Variants in PIGK observed in about 807,000 individuals in gnomAD.
The protein encoded by PIGK is phosphatidylinositol glycan anchor biosynthesis class K.
PIGK carries 42 observed loss-of-function variants against 50.6 expected under a neutral mutation model. That is an observed-to-expected ratio of 0.83 (90% confidence interval 0.65 to 1.07). The LOEUF (loss-of-function observed/expected upper bound fraction) is 1.07, where lower values mean the gene tolerates loss of function less well. Ranked by LOEUF, PIGK falls within the 50% of genes least tolerant of loss-of-function variation. The probability of loss-of-function intolerance (pLI) is 0.00; values close to 1 mark genes in which losing one functional copy is unlikely to be tolerated. For synonymous variants in PIGK, 151 were observed against 156.0 expected, an observed-to-expected ratio of 0.97 and a Z score of 0.24; for missense variants, 448 against 488.7, an observed-to-expected ratio of 0.92 and a Z score of 0.78.
At chr1:77,129,085 C>T (rs999118404) in intron 9 of PIGK, 6 of 853,390 alleles carry the variant, frequency 7.0e-6, no homozygotes, top group Non-Finnish European at 1.0e-5. Context: ...CTAGCTCTTT[C>T]CCTAAGCAGC....
chr1:77,190,869 C>T (rs1266108062), intron 3 of PIGK, among the ~76,000 whole-genome samples: 1 of 152,146 alleles, frequency 6.6e-6, no homozygotes, highest in African/African-American at 2.4e-5. Flanking sequence ...TAGCCTACAC[C>T]TTAAATCTTC....
intron 9 of PIGK, among the ~76,000 whole-genome samples, chr1:77,139,786 A>G (rs921723348): frequency 6.6e-6 from 1 of 152,222 alleles, no homozygotes; most frequent in South Asian, 2.1e-4. Flanking sequence ...TAGTGCATCT[A>G]GGTATCTTGT....
intron 9 of PIGK, among the ~76,000 whole-genome samples, chr1:77,135,791 GAA>G (rs769891952): frequency 3.1e-5 from 4 of 127,488 alleles, no homozygotes; most frequent in Admixed American, 7.8e-5. Flanking sequence ...TTTCCCAAAG[GAA>G]AAAAAAAAAA....
intron 3 of PIGK, 96 bp from the exon 4 acceptor site, chr1:77,169,491 C>T: frequency 1.1e-6 from 1 of 911,128 alleles, no homozygotes; most frequent in Non-Finnish European, 1.5e-6. Context: ...GTTCATTTTT[C>T]TCCTCCTTAA....
chr1:77,116,562 CTGTGTG>C (rs763119489), intron 10 of PIGK, among the ~76,000 whole-genome samples: 33,593 of 134,952 alleles, frequency 0.25, 4,618 homozygotes, highest in Non-Finnish European at 0.33. Flanking sequence ...AAATGTGTCT[CTGTGTG>C]TGTGTGTGTG....
At chr1:77,149,841 T>C (rs1230249035) in intron 9 of PIGK, among the ~76,000 whole-genome samples, 2 of 152,098 alleles carry the variant, frequency 1.3e-5, no homozygotes, top group East Asian at 3.9e-4. Flanking sequence ...GACCATATGT[T>C]AGGTCACAAA....
intron 10 of PIGK, among the ~76,000 whole-genome samples, chr1:77,115,394 G>C (rs1199245351): frequency 6.6e-6 from 1 of 151,824 alleles, no homozygotes; most frequent in Non-Finnish European, 1.5e-5. Context: ...ACCTGAGGTG[G>C]TACTGTGTTC....
chr1:77,132,983 T>C (rs1377995348), intron 9 of PIGK, among the ~76,000 whole-genome samples: 2 of 152,130 alleles, frequency 1.3e-5, no homozygotes, highest in Non-Finnish European at 2.9e-5. Context: ...GACTATGATG[T>C]GGCAAATTGT....
At chr1:77,132,346 T>C (rs373277682) in intron 9 of PIGK, among the ~76,000 whole-genome samples, 9 of 152,072 alleles carry the variant, frequency 5.9e-5, no homozygotes, top group African/African-American at 2.2e-4. Flanking sequence ...AAATATTTTA[T>C]TACATCTTTT....
intron 9 of PIGK, among the ~76,000 whole-genome samples, chr1:77,131,191 A>G (rs1272862459): frequency 6.6e-6 from 1 of 151,712 alleles, no homozygotes; most frequent in Non-Finnish European, 1.5e-5. Flanking sequence ...TTGTATTAAT[A>G]CATCTATAGA....
chr1:77,183,824 G>C (rs1390056290), intron 3 of PIGK, among the ~76,000 whole-genome samples: 1 of 152,150 alleles, frequency 6.6e-6, no homozygotes, highest in Non-Finnish European at 1.5e-5. Flanking sequence ...TTAATGTAGA[G>C]AAAGGGACCC....
At chr1:77,190,474 G>A (rs12059517) in intron 3 of PIGK, among the ~76,000 whole-genome samples, 26,649 of 152,052 alleles carry the variant, frequency 0.18, 2,527 homozygotes, top group East Asian at 0.36. Context: ...GGACTCTGAC[G>A]ATTAGGTTAG....
chr1:77,164,294 A>G (rs1168434587), intron 5 of PIGK, among the ~76,000 whole-genome samples: 1 of 152,222 alleles, frequency 6.6e-6, no homozygotes, highest in Non-Finnish European at 1.5e-5. Flanking sequence ...AGCTGAAGAC[A>G]TTAGCTAGTC....
chr1:77,089,614 A>T lies in PIGK; in HGVS notation c.*2760T>A, dbSNP rs568448690. On this transcript the variant is annotated 3_prime_UTR_variant, in exon 11 of 11. Transcript: ENST00000370812. Reference sequence around the variant, plus strand: ...TAGTAGAAAATACTCAGTAAGCAGAAACAAGCTGAGTTATGCTTCTTGTGG... The same window carrying T: ...TAGTAGAAAATACTCAGTAAGCAGATACAAGCTGAGTTATGCTTCTTGTGG... 7.9e-5 allele frequency: 12 copies of T among 152,756 alleles called. No homozygotes were observed. Among genetic ancestry groups the T allele is most frequent in the Middle Eastern group, 3.4e-3 (1 of 294 alleles). 9.5% of individuals were successfully genotyped at this position (152,756 alleles called of 1,614,324 possible). A position where few individuals can be genotyped will look rare whatever the true frequency, so the allele number is the denominator to read the frequency against.
intron 1 of PIGK, among the ~76,000 whole-genome samples, chr1:77,217,409 G>C (rs1207679994): frequency 2.0e-5 from 3 of 152,130 alleles, no homozygotes; most frequent in African/African-American, 7.2e-5. Context: ...AAGGTTTTGA[G>C]AAACTGAAAG....
intron 3 of PIGK, among the ~76,000 whole-genome samples, chr1:77,183,696 G>C (rs977264089): frequency 2.6e-5 from 4 of 152,168 alleles, no homozygotes; most frequent in Non-Finnish European, 5.9e-5. Context: ...TAGGGACTCT[G>C]CATTTAATGT....
chr1:77,165,627 A>G (rs1655217415), intron 5 of PIGK, among the ~76,000 whole-genome samples: 2 of 152,088 alleles, frequency 1.3e-5, no homozygotes, highest in South Asian at 2.1e-4. Flanking sequence ...AGCAAGAAAT[A>G]TATAATCAAT....
intron 9 of PIGK, among the ~76,000 whole-genome samples, chr1:77,146,332 A>G (rs1161778884): frequency 6.6e-6 from 1 of 152,188 alleles, no homozygotes; most frequent in Non-Finnish European, 1.5e-5. Context: ...AGTGGATTTC[A>G]CCAACATTTA....
chr1:77,098,524 T>C (rs192192108), intron 10 of PIGK, among the ~76,000 whole-genome samples: 1 of 152,114 alleles, frequency 6.6e-6, no homozygotes, highest in African/African-American at 2.4e-5. Flanking sequence ...TTGGCAGAGA[T>C]AGGGTTTTGC....
Sources: allele counts gnomAD v4.1 joint callset (sites outside exome capture counted in the v4.1 genomes callset), GRCh38; gene constraint gnomAD v4.1.1; transcripts MANE v1.5; gene names NCBI Gene and HGNC (gene_info 2026-07-23, HGNC 2026-07-21).